Variants in HERC6 observed in about 807,000 individuals in gnomAD.
HERC6 encodes the protein probable E3 ubiquitin-protein ligase HERC6.
A neutral mutation model predicts 114.5 loss-of-function variants in HERC6; 101 were observed. The observed-to-expected ratio is 0.88, with a 90% CI of 0.75 to 1.04. The LOEUF (loss-of-function observed/expected upper bound fraction) is 1.04, where lower values mean the gene tolerates loss of function less well. HERC6 is among the 50% of genes least tolerant of loss of function. The pLI, the probability that HERC6 is intolerant of heterozygous loss-of-function variation, is 0.00. For synonymous variants in HERC6, 408 were observed against 436.2 expected, an observed-to-expected ratio of 0.94 and a Z score of 0.81; for missense variants, 1,133 against 1,230.9, an observed-to-expected ratio of 0.92 and a Z score of 1.19.
At chr4:88,394,325 T>C (rs1735093253) in intron 5 of HERC6, among the ~76,000 whole-genome samples, 1 of 150,880 alleles carries the variant, frequency 6.6e-6, no homozygotes, top group African/African-American at 2.4e-5. Flanking sequence ...ATACAAAAAT[T>C]AGCTGGGCAT....
intron 11 of HERC6, among the ~76,000 whole-genome samples, chr4:88,408,913 G>A (rs1232712317): frequency 6.6e-6 from 1 of 152,134 alleles, no homozygotes; most frequent in Non-Finnish European, 1.5e-5. Flanking sequence ...GGGGGCTAGG[G>A]TAGGGGGCAT....
chr4:88,400,925 C>T (rs1160772457), intron 8 of HERC6, among the ~76,000 whole-genome samples: 2 of 152,082 alleles, frequency 1.3e-5, no homozygotes, highest in African/African-American at 4.8e-5. Context: ...TGGTGGAACA[C>T]ATCCCCCATG....
At chr4:88,401,082 C>T (rs762828860) in intron 8 of HERC6, among the ~76,000 whole-genome samples, 13 of 152,020 alleles carry the variant, frequency 8.6e-5, no homozygotes, top group East Asian at 5.8e-4. Context: ...AAACCTGACC[C>T]GAGTGGGCTG....
At chr4:88,424,534 G>A in intron 14 of HERC6, 61 bp from the exon 15 acceptor site, 1 of 1,253,814 alleles carries the variant, frequency 8.0e-7, no homozygotes, top group Admixed American at 2.0e-5. Flanking sequence ...TAAGGTAAAG[G>A]AAGTAAGTTT....
At chr4:88,425,063 T>C (rs1737460554) in intron 15 of HERC6, among the ~76,000 whole-genome samples, 1 of 152,226 alleles carries the variant, frequency 6.6e-6, no homozygotes, top group Non-Finnish European at 1.5e-5. Context: ...GGTATGGCAA[T>C]ACTTCTAATC....
At chr4:88,435,982 G>C in intron 18 of HERC6, 91 bp downstream of exon 18, 1 of 925,398 alleles carries the variant, frequency 1.1e-6, no homozygotes. Context: ...GACAGATATG[G>C]TCTTCAATTT....
intron 1 of HERC6, among the ~76,000 whole-genome samples, chr4:88,380,154 A>C (rs1330058693): frequency 3.0e-5 from 1 of 33,784 alleles, no homozygotes; most frequent in Non-Finnish European, 5.1e-5. Context: ...ATAAATATAT[A>C]TAATATATAA....
At chr4:88,420,618 T>A (rs143536070) in intron 13 of HERC6, among the ~76,000 whole-genome samples, 95 of 152,290 alleles carry the variant, frequency 6.2e-4, no homozygotes, top group African/African-American at 2.2e-3. Flanking sequence ...TATATCTTTT[T>A]AAAACAGCTT....
intron 8 of HERC6, among the ~76,000 whole-genome samples, chr4:88,401,381 T>C (rs1735527834): frequency 6.6e-6 from 1 of 151,010 alleles, no homozygotes; most frequent in Admixed American, 6.6e-5. Context: ...TAATCCCAGC[T>C]ACTCGGGAGG....
intron 17 of HERC6, among the ~76,000 whole-genome samples, chr4:88,434,997 T>A (rs1456946672): frequency 6.6e-6 from 1 of 152,202 alleles, no homozygotes; most frequent in Non-Finnish European, 1.5e-5. Flanking sequence ...GCAACTAGAC[T>A]GTACCATAGA....
chr4:88,424,032 G>T, intron 14 of HERC6, 59 bp downstream of exon 14: 1 of 798,578 alleles, frequency 1.3e-6, no homozygotes, highest in Non-Finnish European at 2.0e-6. Flanking sequence ...ACACATTACT[G>T]TAGTATCTGT....
chr4:88,436,150 G>C (rs1738711781), intron 18 of HERC6, among the ~76,000 whole-genome samples: 1 of 152,114 alleles, frequency 6.6e-6, no homozygotes, highest in Admixed American at 6.6e-5. Flanking sequence ...GGTGGAAACA[G>C]TTGCTTCAGA....
intron 11 of HERC6, among the ~76,000 whole-genome samples, chr4:88,408,877 G>C (rs1735945564): frequency 6.6e-6 from 1 of 152,096 alleles, no homozygotes; most frequent in African/African-American, 2.4e-5. Context: ...CAGCTTAGGG[G>C]CTTTTCAAAG....
chr4:88,415,785 A>G (rs1341732270), intron 12 of HERC6, among the ~76,000 whole-genome samples: 1 of 152,266 alleles, frequency 6.6e-6, no homozygotes, highest in Non-Finnish European at 1.5e-5. Context: ...GTAACAGACC[A>G]ATACACTGAA....
At chr4:88,439,721 G>A (rs1481991183) in intron 20 of HERC6, 153 bp from the exon 21 acceptor site, 1 of 613,314 alleles carries the variant, frequency 1.6e-6, no homozygotes, top group African/African-American at 1.9e-5. Context: ...TAGCTGACCA[G>A]GTTTTGGTCA....
Position 88,428,731 on chromosome 4 carries a change from A to C in HERC6, c.2087A>C (p.Asp696Ala). The change falls in exon 16 of 23, where the codon GAC becomes GCC. Residue 696 changes from aspartate to alanine, a missense_variant. By Grantham distance (126) the Asp-to-Ala change is moderately radical. Transcript: ENST00000264346. ...LRQLSQAEAT[D>A]FCKVLVVEFI... ...CAATTAAGTCAAGCTGAAGCTACTG[A>C]CTTCTGCAAAGTATTAGTGGTACAG... 6.3e-7 allele frequency: 1 copy of C among 1,575,772 alleles called. No homozygotes were observed. Among genetic ancestry groups the C allele is most frequent in the Non-Finnish European group, 8.6e-7 (1 of 1,163,770 alleles).
Position 88,398,158 on chromosome 4 carries a change from A to G in HERC6, c.1041A>G (p.Gln347=), listed in dbSNP as rs764743783. The G allele has an allele frequency of 6.3e-7, 1 of 1,596,628 alleles. No individual in the cohort carries two copies. Among genetic ancestry groups the G allele is most frequent in the East Asian group, 2.3e-5 (1 of 44,342 alleles). ...TTCTTTTAGACTTCGTGGATGTTCA[A>G]GTCAAACACATTTTTGCTGGAACAT... ...LISAEDFVDV[Q]VKHIFAGTYA... The change falls in exon 8 of 23, where the codon CAA becomes CAG. Residue 347 remains glutamine (Q), a synonymous_variant. Transcript: ENST00000264346.
At chr4:88,391,912 TTTC>T (rs1734936458) in intron 4 of HERC6, among the ~76,000 whole-genome samples, 1 of 151,730 alleles carries the variant, frequency 6.6e-6, no homozygotes, top group Admixed American at 6.6e-5. Flanking sequence ...TAGCTAAGTT[TTTC>T]TTTCCTTTCC....
Position 88,393,547 on chromosome 4 carries a change from A to G in HERC6, c.724A>G (p.Ser242Gly). The part of the protein sequence containing the change: ...ALKNLGVVYI[S>G]CGDAHTAVLT... ...GAAGAATCTAGGTGTGGTTTATATC[A>G]GCTGTGGTGATGCACACACTGCGGT... The change falls in exon 5 of 23, where the codon AGC becomes GGC. Residue 242 changes from serine (S) to glycine (G), a missense_variant. Coordinates refer to ENST00000264346, the MANE Select transcript of HERC6 (RefSeq NM_017912.4). 1.2e-6 allele frequency: 2 copies of G among 1,612,716 alleles called. No individual in the cohort carries two copies. The highest frequency in any genetic ancestry group is 1.3e-5 in the African/African-American group (1 of 75,056).
Sources: gnomAD v4.1 joint callset for allele counts (sites outside exome capture counted in the v4.1 genomes callset) on GRCh38, gnomAD v4.1.1 for gene constraint, MANE v1.5 for transcripts, NCBI Gene and HGNC (gene_info 2026-07-23, HGNC 2026-07-21) for gene names.